Variants in IL20 observed in about 807,000 individuals in gnomAD.
IL20 encodes interleukin 20, also known as interleukin-20.
IL20 carries 22 observed loss-of-function variants against 19.2 expected under a neutral mutation model. The ratio of observed to expected loss-of-function variants is 1.15; its 90% CI spans 0.82 to 1.64. The LOEUF is 1.64. IL20 is among the 40% of genes most tolerant of loss of function. The probability of loss-of-function intolerance (pLI) is 0.00; values close to 1 mark genes in which losing one functional copy is unlikely to be tolerated. For synonymous variants in IL20, 70 were observed against 76.2 expected (o/e 0.92, Z 0.43); for missense variants, 215 against 212.8 (o/e 1.01, Z -0.06).
chr1:206,866,349 TTTGC>T lies in IL20; in HGVS notation c.211_214del (p.Leu71LysfsTer16), dbSNP rs764365735. 6.2e-7 allele frequency: 1 copy of T among 1,614,046 alleles called. No individual in the cohort carries two copies. The highest frequency in any genetic ancestry group is 1.1e-5 in the South Asian group (1 of 91,070). ...TCAGAATCTTAAGGAGGACTGAGTC[TTTGC>T]AAGACACAAAGGTATGTGCTTGGCC... is the stretch of plus-strand genomic sequence containing the variant. On this transcript the variant is annotated frameshift_variant, in exon 3 of 6. Coordinates refer to ENST00000367098, the MANE Select transcript of IL20 (RefSeq NM_018724.4). LOFTEE classifies it high-confidence loss of function.
chr1:206,865,443 T>C, upstream of IL20: 1 of 980,634 alleles, frequency 1.0e-6, no homozygotes, highest in Non-Finnish European at 1.2e-6. The surrounding 1 kb of genome is among the most constrained non-coding windows in gnomAD (Gnocchi z 4.1). Flanking sequence ...TACGTTGGCT[T>C]TCTGGAAGGG....
At chr1:206,864,487 T>A (rs1677494103), upstream of IL20, among the ~76,000 whole-genome samples, 1 of 152,138 alleles carries the variant, frequency 6.6e-6, no homozygotes, top group Non-Finnish European at 1.5e-5. Flanking sequence ...TTAAAGTATT[T>A]GAGAAAATTG....
Position 206,868,502 on chromosome 1 carries a change from G to A in IL20, c.469G>A (p.Ala157Thr). The A allele has an allele frequency of 6.3e-7, 1 of 1,594,406 alleles. No individual in the cohort carries two copies. Among genetic ancestry groups the A allele is most frequent in the Non-Finnish European group, 8.5e-7 (1 of 1,170,144 alleles). ...TCTCTTTCAGCTGGAACCTCAGGCA[G>A]CAGTTGTGAAGGCTTTGGGGGAACT... Reference protein sequence around the residue: ...SHFEKLEPQAAVVKALGELDI... With the variant: ...SHFEKLEPQATVVKALGELDI... Residue 157 changes from alanine to threonine, a missense_variant, in exon 6 of 6, where the codon GCA becomes ACA. Physicochemically the swap from Ala to Thr is moderately conservative, Grantham distance 58. Transcript: ENST00000367098.
intron 5 of IL20, 111 bp downstream of exon 5, chr1:206,867,569 C>A (rs980743078): frequency 6.6e-6 from 6 of 904,390 alleles, no homozygotes; most frequent in Non-Finnish European, 1.8e-6. Flanking sequence ...AGGTTCATAG[C>A]CCTCTGAAAT....
At position 206,865,879 on chromosome 1, in the gene IL20, C is replaced by T. The variant is rs1295849028; in HGVS notation, c.27C>T (p.Ser9=). The T allele has an allele frequency of 3.1e-6, 5 of 1,614,002 alleles. No homozygotes were observed. The highest frequency in any genetic ancestry group is 4.2e-6 in the Non-Finnish European group (5 of 1,179,982). Residue 9 remains serine (S), a synonymous_variant, in exon 2 of 6, where the codon AGC becomes AGT. Transcript: ENST00000367098. This position sits in a 1 kb window ranked among gnomAD's most constrained non-coding sequence, Gnocchi z 4.1. The part of the protein sequence containing the change: MKASSLAF[S]LLSAAFYLLW... Reference sequence around the variant, plus strand: ...TGAAAGCCTCTAGTCTTGCCTTCAGCCTTCTCTCTGCTGCGTTTTATCTCC... The same window carrying T: ...TGAAAGCCTCTAGTCTTGCCTTCAGTCTTCTCTCTGCTGCGTTTTATCTCC...
chr1:206,866,421 T>A (rs1211991442), intron 3 of IL20, 57 bp downstream of exon 3: 1 of 1,612,746 alleles, frequency 6.2e-7, no homozygotes, highest in South Asian at 1.1e-5. Context: ...AGCATCTCCA[T>A]CACCCTGGTC....
At chr1:206,865,587 A>T (rs1677521813), upstream of IL20, 1 of 1,242,926 alleles carries the variant, frequency 8.0e-7, no homozygotes, top group Non-Finnish European at 1.0e-6. This position sits in a 1 kb window ranked among gnomAD's most constrained non-coding sequence, Gnocchi z 4.1. Flanking sequence ...CAGGATGGGG[A>T]CAGAATAAAG....
chr1:206,864,374 T>C (rs1470471236), upstream of IL20, among the ~76,000 whole-genome samples: 25 of 152,154 alleles, frequency 1.6e-4, no homozygotes, highest in Non-Finnish European at 2.9e-5. Flanking sequence ...TGCCAAGCTA[T>C]GGAGCCAGCC....
intron 5 of IL20, among the ~76,000 whole-genome samples, chr1:206,867,747 A>G (rs747956238): frequency 3.3e-5 from 5 of 152,178 alleles, no homozygotes; most frequent in Non-Finnish European, 2.9e-5. Context: ...CAATAGTTTT[A>G]CAATGTTCAC....
At chr1:206,864,426 G>GTA (rs367765810), upstream of IL20, among the ~76,000 whole-genome samples, 30 of 151,480 alleles carry the variant, frequency 2.0e-4, no homozygotes, top group Admixed American at 1.2e-3. Flanking sequence ...TGATGTGTGT[G>GTA]TATATATATA....
rs1267775696 is a variant in IL20, at chr1:206,865,822, G to T, written c.-30-1G>T. On this transcript the variant is annotated splice_acceptor_variant, in intron 1 of 5. Transcript: ENST00000367098. LOFTEE classifies it low-confidence loss of function (5UTR_SPLICE). The surrounding 1 kb of genome is among the most constrained non-coding windows in gnomAD (Gnocchi z 4.1). The stretch of plus-strand genomic sequence containing the variant: ...TCATGCTCTCTTCTTTGAATTCCTA[G>T]CTCCTGTGGTCTCCAGATTTCAGGC... The T allele has an allele frequency of 6.2e-7, 1 of 1,607,588 alleles. No individual in the cohort carries two copies. The highest frequency in any genetic ancestry group is 2.2e-5 in the East Asian group (1 of 44,658).
chr1:206,868,425 T>C (rs1436553692), intron 5 of IL20, 62 bp from the exon 6 acceptor site: 1 of 1,207,564 alleles, frequency 8.3e-7, no homozygotes, highest in African/African-American at 1.5e-5. Flanking sequence ...ATAAAAGAGA[T>C]AGGTCCTGGA....
At chr1:206,865,426 G>T, upstream of IL20, 1 of 860,438 alleles carries the variant, frequency 1.2e-6, no homozygotes, top group Non-Finnish European at 1.4e-6. The surrounding 1 kb of genome is among the most constrained non-coding windows in gnomAD (Gnocchi z 4.1). Context: ...GGACCAGAAG[G>T]GTGAGCTACG....
upstream of IL20, among the ~76,000 whole-genome samples, chr1:206,864,402 T>C (rs567568913): frequency 6.6e-6 from 1 of 152,288 alleles, no homozygotes; most frequent in East Asian, 1.9e-4. Context: ...TATGGATGTG[T>C]GCATATATAT....
In IL20 at chr1:206,868,514, G is replaced by C; in HGVS notation, c.481G>C (p.Ala161Pro). Residue 161 changes from alanine to proline, a missense_variant, in exon 6 of 6, where the codon GCT (alanine) becomes CCT (proline). By Grantham distance (27) the Ala-to-Pro change is conservative (BLOSUM62 -1). Transcript: ENST00000367098. ...GGAACCTCAGGCAGCAGTTGTGAAG[G>C]CTTTGGGGGAACTAGACATTCTTCT... ...KLEPQAAVVK[A>P]LGELDILLQW... 6.3e-7 allele frequency: 1 copy of C among 1,598,484 alleles called. No homozygotes were observed. The highest frequency in any genetic ancestry group is 8.5e-7 in the Non-Finnish European group (1 of 1,172,418).
intron 4 of IL20, 30 bp downstream of exon 4, chr1:206,866,666 A>G: frequency 1.9e-6 from 3 of 1,606,126 alleles, no homozygotes; most frequent in Non-Finnish European, 2.6e-6. Context: ...GACAGGATGC[A>G]TCTCAGCACA....
Position 206,868,503 on chromosome 1 carries a change from C to G in IL20, c.470C>G (p.Ala157Gly). The G allele has an allele frequency of 1.3e-6, 2 of 1,593,952 alleles. No individual in the cohort carries two copies. The highest frequency in any genetic ancestry group is 1.7e-5 in the Admixed American group (1 of 57,510). The change falls in exon 6 of 6, where the codon GCA becomes GGA. Residue 157 changes from alanine (A) to glycine (G), a missense_variant. Ala to Gly is a moderately conservative substitution (Grantham distance 60). Transcript: ENST00000367098. Reference sequence around the variant, plus strand: ...CTCTTTCAGCTGGAACCTCAGGCAGCAGTTGTGAAGGCTTTGGGGGAACTA... The same window carrying G: ...CTCTTTCAGCTGGAACCTCAGGCAGGAGTTGTGAAGGCTTTGGGGGAACTA... ...SHFEKLEPQA[A>G]VVKALGELDI...
chr1:206,865,766 T>A lies in IL20; in HGVS notation c.-30-57T>A. ...CCCTGACCCCCCACCCCTCACCCCG[T>A]GGACACTTGGAGGAGGGGAAACTCA... On this transcript the variant is annotated intron_variant, in intron 1 of 5. Coordinates refer to ENST00000367098, the MANE Select transcript of IL20 (RefSeq NM_018724.4). This position sits in a 1 kb window ranked among gnomAD's most constrained non-coding sequence, Gnocchi z 4.1. 2.0e-6 allele frequency: 3 copies of A among 1,504,460 alleles called. No homozygotes were observed. The highest frequency in any genetic ancestry group is 2.4e-5 in the East Asian group (1 of 42,268). The allele number at this position is 1,504,460 out of a possible 1,614,324, so 93.2% of individuals were successfully genotyped here.
upstream of IL20, among the ~76,000 whole-genome samples, chr1:206,864,822 A>G (rs1001140710): frequency 3.3e-5 from 5 of 152,104 alleles, no homozygotes; most frequent in Admixed American, 1.3e-4. Context: ...AAATATTTTT[A>G]TCTTGATGAC....
Sources: allele counts gnomAD v4.1 joint callset (sites outside exome capture counted in the v4.1 genomes callset), GRCh38; gene constraint gnomAD v4.1.1; non-coding constraint Gnocchi (gnomAD v3.1); transcripts MANE v1.5; gene names NCBI Gene and HGNC (gene_info 2026-07-23, HGNC 2026-07-21).